C8orf34: variants seen among roughly 807,000 people sequenced by gnomAD.
C8orf34 encodes the protein uncharacterized protein C8orf34.
Under a neutral mutation model 68.3 loss-of-function variants are expected in C8orf34, and 65 were observed. The observed-to-expected ratio is 0.95, with a 90% CI of 0.78 to 1.17. C8orf34 has a LOEUF of 1.17. C8orf34 is among the 50% of genes most tolerant of loss of function. The pLI is 0.00. For missense variants in C8orf34, 664 were observed against 655.4 expected (o/e 1.01, Z -0.14); for synonymous variants, 244 against 241.2 (o/e 1.01, Z -0.11).
chr8:68,561,440 T>A (rs1021766061), intron 7 of C8orf34, among the ~76,000 whole-genome samples: 1 of 152,190 alleles, frequency 6.6e-6, no homozygotes, highest in Non-Finnish European at 1.5e-5. Context: ...TTTTTAAAAA[T>A]TTTTAAAACT....
At chr8:68,719,130 C>G (rs980953541) in intron 9 of C8orf34, among the ~76,000 whole-genome samples, 11 of 152,132 alleles carry the variant, frequency 7.2e-5, no homozygotes, top group Non-Finnish European at 1.6e-4. Context: ...ATTTACTGCT[C>G]TAAGCATTAA....
intron 10 of C8orf34, among the ~76,000 whole-genome samples, chr8:68,760,639 G>A (rs78256070): frequency 0.015 from 2,214 of 152,214 alleles, 49 homozygotes; most frequent in African/African-American, 0.047. Flanking sequence ...GCCTAACAAA[G>A]GATTTCATAA....
chr8:68,419,028 A>G (rs1441877536), intron 1 of C8orf34, among the ~76,000 whole-genome samples: 3 of 150,300 alleles, frequency 2.0e-5, no homozygotes, highest in Non-Finnish European at 4.5e-5. Flanking sequence ...AGAAACTACC[A>G]TCAGAGTGAA....
chr8:68,432,174 A>C (rs182789711), intron 1 of C8orf34, among the ~76,000 whole-genome samples: 12 of 151,786 alleles, frequency 7.9e-5, no homozygotes, highest in Non-Finnish European at 4.4e-5. Flanking sequence ...ACTTTTAACA[A>C]GCACCGTTGT....
chr8:68,577,206 T>C (rs1468344036), intron 7 of C8orf34, among the ~76,000 whole-genome samples: 1 of 151,924 alleles, frequency 6.6e-6, no homozygotes, highest in African/African-American at 2.4e-5. Context: ...AAATACAGAC[T>C]CTCGAGCCCC....
intron 7 of C8orf34, among the ~76,000 whole-genome samples, chr8:68,625,210 T>C (rs1288101853): frequency 3.9e-5 from 6 of 152,116 alleles, no homozygotes; most frequent in Non-Finnish European, 8.8e-5. Flanking sequence ...ACAAGAGACC[T>C]CAGGGCCGTA....
At chr8:68,784,019 T>C (rs1165779847) in intron 11 of C8orf34, among the ~76,000 whole-genome samples, 1 of 152,206 alleles carries the variant, frequency 6.6e-6, no homozygotes, top group Non-Finnish European at 1.5e-5. Context: ...CTGGTCACAG[T>C]TAACAGACCA....
At chr8:68,338,896 C>T (rs558678512) in intron 1 of C8orf34, among the ~76,000 whole-genome samples, 2 of 152,188 alleles carry the variant, frequency 1.3e-5, no homozygotes, top group South Asian at 4.1e-4. Context: ...TAGCCAGAAA[C>T]CCATTAGCCA....
intron 10 of C8orf34, among the ~76,000 whole-genome samples, chr8:68,726,190 G>A (rs146687432): frequency 6.6e-6 from 1 of 152,170 alleles, no homozygotes; most frequent in Non-Finnish European, 1.5e-5. Flanking sequence ...ATTACAGGCT[G>A]AGCCACCATG....
intron 8 of C8orf34, among the ~76,000 whole-genome samples, chr8:68,695,044 G>A (rs1210801471): frequency 6.6e-6 from 1 of 151,916 alleles, no homozygotes; most frequent in Non-Finnish European, 1.5e-5. Context: ...AGTTAAACAA[G>A]CCAAGTTTCC....
rs185850784 is a variant in C8orf34 at position 68,702,268 on chromosome 8, G to T, written c.1242-6726G>T. Among the ~76,000 whole-genome samples the T allele has an allele frequency of 3.3e-5, 5 of 152,002 alleles. No homozygotes were observed. The South Asian group carries it at 6.2e-4, about 19-fold the overall frequency. On this transcript the variant is annotated intron_variant, in intron 8 of 13. Transcript: ENST00000518698. ...TCTGCTCTTCTCTTGCTGGATTATC[G>T]CAAAAGCTCCCCAAATACCCTCCTA...
At chr8:68,654,939 T>C (rs890740297) in intron 8 of C8orf34, among the ~76,000 whole-genome samples, 15 of 152,104 alleles carry the variant, frequency 9.9e-5, no homozygotes, top group Non-Finnish European at 1.8e-4. Context: ...TGAAAGATAA[T>C]GGGGAAATGC....
At chr8:68,812,481 T>C (rs559342478) in intron 12 of C8orf34, among the ~76,000 whole-genome samples, 1 of 152,282 alleles carries the variant, frequency 6.6e-6, no homozygotes, top group African/African-American at 2.4e-5. Flanking sequence ...AAATTATATG[T>C]GACTTTCTCT....
chr8:68,346,846 T>C (rs1806305733), intron 1 of C8orf34, among the ~76,000 whole-genome samples: 1 of 152,150 alleles, frequency 6.6e-6, no homozygotes, highest in Non-Finnish European at 1.5e-5. Context: ...ATTTCCCTGC[T>C]GAATGAAGGA....
At chr8:68,559,437 G>A (rs1816354430) in intron 7 of C8orf34, among the ~76,000 whole-genome samples, 1 of 152,126 alleles carries the variant, frequency 6.6e-6, no homozygotes, top group Non-Finnish European at 1.5e-5. Flanking sequence ...GTAAATTGAG[G>A]GTGGAGTTTC....
intron 13 of C8orf34, among the ~76,000 whole-genome samples, chr8:68,817,725 A>C (rs1284645045): frequency 6.6e-6 from 1 of 152,108 alleles, no homozygotes; most frequent in Non-Finnish European, 1.5e-5. Context: ...ATTTACAAAG[A>C]AAAGAGGTTT....
chr8:68,498,345 A>T (rs528037325), intron 5 of C8orf34, among the ~76,000 whole-genome samples: 1 of 152,358 alleles, frequency 6.6e-6, no homozygotes, highest in East Asian at 1.9e-4. Context: ...ACTTTGGAAC[A>T]ACTTAAATAT....
chr8:68,386,095 T>C (rs540892459), intron 1 of C8orf34, among the ~76,000 whole-genome samples: 47 of 152,220 alleles, frequency 3.1e-4, no homozygotes, highest in African/African-American at 1.1e-3. Context: ...TCTATAGAGA[T>C]GAGGTCTTGT....
At chr8:68,537,507 G>C (rs1387197333) in intron 7 of C8orf34, among the ~76,000 whole-genome samples, 2 of 151,038 alleles carry the variant, frequency 1.3e-5, no homozygotes, top group Non-Finnish European at 3.0e-5. Context: ...GGCTAATGCA[G>C]TTTGTATCAC....
Sources: allele counts gnomAD v4.1 joint callset (sites outside exome capture counted in the v4.1 genomes callset), GRCh38; gene constraint gnomAD v4.1.1; transcripts MANE v1.5; gene names NCBI Gene and HGNC (gene_info 2026-07-23, HGNC 2026-07-21).